Variants in FOXP3 observed in about 807,000 individuals in gnomAD.
FOXP3 encodes forkhead box P3.
FOXP3 carries 5 observed loss-of-function variants against 31.2 expected under a neutral mutation model. The observed-to-expected ratio is 0.16, with a 90% CI of 0.08 to 0.34. The LOEUF (loss-of-function observed/expected upper bound fraction) is 0.34, where lower values mean the gene tolerates loss of function less well. FOXP3 is among the 10% of genes least tolerant of loss of function. The probability of loss-of-function intolerance (pLI) is 1.00; values close to 1 mark genes in which losing one functional copy is unlikely to be tolerated. For synonymous variants in FOXP3, 141 were observed against 148.8 expected, an observed-to-expected ratio of 0.95 and a Z score of 0.38; for missense variants, 251 against 363.0, an observed-to-expected ratio of 0.69 and a Z score of 2.51.
intron 9 of FOXP3, 90 bp downstream of exon 9, chrX:49,253,827 G>A (rs2066049608): frequency 1.9e-6 from 2 of 1,072,067 alleles, no homozygotes; most frequent in Non-Finnish European, 1.3e-6. Context: ...TGGTGGGAAG[G>A]GGCAGCATGG....
At chrX:49,263,530 G>A (rs1466005972) in intron 1 of FOXP3, among the ~76,000 whole-genome samples, 1 of 112,470 alleles carries the variant, frequency 8.9e-6, no homozygotes, top group African/African-American at 3.2e-5. Context: ...TCATGCTGAT[G>A]TGAGGACAGT....
intron 1 of FOXP3, 139 bp from the exon 2 acceptor site, chrX:49,258,666 C>T (rs1364938426): frequency 4.7e-6 from 2 of 425,756 alleles, no homozygotes; most frequent in Admixed American, 4.4e-5. Context: ...ATAGTTGCAC[C>T]CCAGCTCTAG....
rs1462967682 is a variant in FOXP3, at chrX:49,258,226, C to T, written c.210+70G>A. ...CCAGCCCCCCTCCCGCCCAGTGCCA[C>T]AGTAAAGGTCGGCACCTGTAGGTCC... On this transcript the variant is annotated intron_variant, in intron 2 of 11. Coordinates refer to ENST00000376207, the MANE Select transcript of FOXP3 (RefSeq NM_014009.4). 4 of 906,475 alleles carry T rather than the reference C, an allele frequency of 4.4e-6. No homozygotes were observed. The East Asian group carries it at 1.4e-4, about 31-fold the overall frequency. 74.7% of individuals were successfully genotyped at this position (906,475 alleles called of 1,213,427 possible).
intron 1 of FOXP3, among the ~76,000 whole-genome samples, chrX:49,261,313 C>T (rs1890678679): frequency 8.9e-6 from 1 of 112,383 alleles, no homozygotes; most frequent in Non-Finnish European, 1.9e-5. Context: ...AGCCAGCCTC[C>T]CTAGGGCCTC....
intron 1 of FOXP3, among the ~76,000 whole-genome samples, chrX:49,259,712 A>G (rs1602689000): frequency 8.9e-6 from 1 of 111,848 alleles, no homozygotes; most frequent in East Asian, 2.8e-4. Flanking sequence ...TCTGAGAGGA[A>G]GCCAGAGCTG....
intron 7 of FOXP3, 22 bp downstream of exon 7, chrX:49,255,693 C>T: frequency 8.4e-7 from 1 of 1,196,827 alleles, no homozygotes; most frequent in South Asian, 1.8e-5. Flanking sequence ...CTATCCCTTA[C>T]CCTCCACCGC....
In FOXP3 at chrX:49,257,445, G is replaced by A; in HGVS notation, c.436C>T (p.Arg146Trp). The A allele has an allele frequency of 2.6e-6, 3 of 1,140,996 alleles. No homozygotes were observed. Among genetic ancestry groups the A allele is most frequent in the Non-Finnish European group, 3.5e-6 (3 of 860,965 alleles). The allele number at this position is 1,140,996 out of a possible 1,213,427, so 94.0% of individuals were successfully genotyped here. The stretch of plus-strand genomic sequence containing the variant: ...GTGTTACCAGGTGGGAGGCCAGGCC[G>A]GGCCTTGAGGGAGAAGACCCCAGTG... ...TATGVFSLKA[R>W]PGLPPGINVA... The change falls in exon 4 of 12, where the codon CGG becomes TGG. Residue 146 changes from arginine (R) to tryptophan (W), a missense_variant. Physicochemically the swap from Arg to Trp is moderately radical, Grantham distance 101. This residue lies in a region of FOXP3 where 152 missense variants were observed against 188.1 expected (regional missense o/e 0.81). Transcript: ENST00000376207.
chrX:49,257,144 CCCAAAGTCCCAGGCTTCTGGCAGAG>C, intron 4 of FOXP3, 132 bp from the exon 5 acceptor site: 1 of 597,552 alleles, frequency 1.7e-6, no homozygotes, highest in Non-Finnish European at 2.6e-6. Context: ...CTCTGCTGTC[CCCAAAGTCCCAGGCTTCTGGCAGAG>C]AAGCTTAAAG....
In FOXP3 at chrX:49,250,897, GGTT is replaced by G. The variant is rs1490480325; in HGVS notation, c.*434_*436del. The G allele has an allele frequency of 8.6e-6, 2 of 233,724 alleles. No individual in the cohort carries two copies. The highest frequency in any genetic ancestry group is 5.8e-5 in the African/African-American group (2 of 34,739). 19.3% of individuals were successfully genotyped at this position (233,724 alleles called of 1,213,427 possible). ...TGATTGTGTGATGATGCAGCTTTGAGGTTGTTTGAGTGTACTGAGGCAGGCTCT... is the reference window on the plus strand; with the variant it reads ...TGATTGTGTGATGATGCAGCTTTGAGGTTTGAGTGTACTGAGGCAGGCTCT... On this transcript the variant is annotated 3_prime_UTR_variant, in exon 12 of 12. Coordinates refer to ENST00000376207, the MANE Select transcript of FOXP3 (RefSeq NM_014009.4).
chrX:49,256,550 A>G (rs1257949472), intron 6 of FOXP3, among the ~76,000 whole-genome samples: 1 of 112,300 alleles, frequency 8.9e-6, no homozygotes, highest in Non-Finnish European at 1.9e-5. Flanking sequence ...CATACGAGAA[A>G]ACTGAGGTCG....
chrX:49,257,523 C>A lies in FOXP3; in HGVS notation c.358G>T (p.Val120Leu). Residue 120 changes from valine to leucine, a missense_variant, in exon 4 of 12, where the codon GTG (valine) becomes TTG (leucine). Physicochemically the swap from Val to Leu is conservative, Grantham distance 32 (BLOSUM62 1). Around this residue, in one of 4 missense-constraint regions of FOXP3, gnomAD observed 152 missense variants for 188.1 expected, o/e 0.81. Coordinates refer to ENST00000376207, the MANE Select transcript of FOXP3 (RefSeq NM_014009.4). ...ATGGCTGGGCTCTCCAGGGGGTGCA[C>A]CTGCAGCACAGGGGTCCGGGCGTGG... Reference protein sequence around the residue: ...DAHARTPVLQVHPLESPAMIS... With the variant: ...DAHARTPVLQLHPLESPAMIS... 3 of 1,169,396 alleles carry A rather than the reference C, an allele frequency of 2.6e-6. No homozygotes were observed. The highest frequency in any genetic ancestry group is 3.4e-6 in the Non-Finnish European group (3 of 870,024).
chrX:49,253,704 C>T (rs60087483), intron 9 of FOXP3, among the ~76,000 whole-genome samples: 1 of 111,964 alleles, frequency 8.9e-6, no homozygotes, highest in East Asian at 2.8e-4. Context: ...GCTAGGGGCC[C>T]GACACTCGAG....
At chrX:49,261,705 C>T (rs1372752368) in intron 1 of FOXP3, among the ~76,000 whole-genome samples, 4 of 112,088 alleles carry the variant, frequency 3.6e-5, no homozygotes, top group Non-Finnish European at 7.5e-5. Flanking sequence ...TGGGGTCCAA[C>T]GTGTGAGAAG....
chrX:49,256,504 T>C (rs927306178), intron 6 of FOXP3, among the ~76,000 whole-genome samples: 1 of 111,142 alleles, frequency 9.0e-6, no homozygotes, highest in Non-Finnish European at 1.9e-5. Context: ...GTCTGTAAAA[T>C]GGGGGTAAAT....
At chrX:49,253,233 A>G in intron 9 of FOXP3, 31 bp from the exon 10 acceptor site, 1 of 1,145,301 alleles carries the variant, frequency 8.7e-7, no homozygotes, top group Non-Finnish European at 1.2e-6. Context: ...ATCAAGCCCC[A>G]TGCAGGACCT....
At chrX:49,263,304 C>T (rs1291366332) in intron 1 of FOXP3, among the ~76,000 whole-genome samples, 2 of 111,509 alleles carry the variant, frequency 1.8e-5, no homozygotes, top group African/African-American at 6.5e-5. Flanking sequence ...TAATAATACT[C>T]ACCTAGGGTT....
rs1557116769 is a variant in FOXP3, at chrX:49,258,522, G to T, written c.-17C>A. 1 of 1,146,553 alleles carries T rather than the reference G, an allele frequency of 8.7e-7. No homozygotes were observed. The highest frequency in any genetic ancestry group is 1.2e-6 in the Non-Finnish European group (1 of 860,481). 94.5% of individuals were successfully genotyped at this position (1,146,553 alleles called of 1,213,427 possible). A position where few individuals can be genotyped will look rare whatever the true frequency, so the allele number is the denominator to read the frequency against. ...GTTGGGCATCGGGTCCTTGTCCAAG[G>T]GCAGGCTGCGTAGACAATAGGGGAA... On this transcript the variant is annotated 5_prime_UTR_variant, in exon 2 of 12. Transcript: ENST00000376207.
At chrX:49,254,640 C>T (rs1040242553) in intron 8 of FOXP3, among the ~76,000 whole-genome samples, 3 of 111,463 alleles carry the variant, frequency 2.7e-5, no homozygotes, top group Non-Finnish European at 5.6e-5. Flanking sequence ...TCACCTAAAC[C>T]CCCCTGGCCT....
In FOXP3 at chrX:49,251,362, C is replaced by T. The variant is rs1557115510; in HGVS notation, c.1268G>A (p.Arg423Lys). ...FRKKRSQRPS[R>K]CSNPTPGP is the part of the protein sequence containing the mutation. ...GGGGCCAGGTGTAGGGTTGGAACAC[C>T]TGCTGGGCCTCTGGCTCCGTTTCTT... Residue 423 changes from arginine to lysine, a missense_variant, in exon 12 of 12, where the codon AGG becomes AAG. By Grantham distance (26) the Arg-to-Lys change is conservative. Transcript: ENST00000376207. 8.3e-7 allele frequency: 1 copy of T among 1,210,739 alleles called. No homozygotes were observed. Among genetic ancestry groups the T allele is most frequent in the Non-Finnish European group, 1.1e-6 (1 of 895,053 alleles).
Sources: gnomAD v4.1 joint callset for allele counts (sites outside exome capture counted in the v4.1 genomes callset) on GRCh38, gnomAD v4.1.1 for gene constraint, gnomAD v4.1.1 regional missense constraint, MANE v1.5 for transcripts, NCBI Gene and HGNC (gene_info 2026-07-23, HGNC 2026-07-21) for gene names.